DCDC1: variants seen among roughly 807,000 people sequenced by gnomAD.
The protein encoded by DCDC1 is doublecortin domain containing 1.
DCDC1 carries 200 observed loss-of-function variants against 178.3 expected under a neutral mutation model. That is an observed-to-expected ratio of 1.12 (90% CI 1.00 to 1.26). DCDC1 has a LOEUF of 1.26. Ranked by LOEUF, DCDC1 falls within the 50% of genes most tolerant of loss-of-function variation. DCDC1 has a pLI of 0.00. For synonymous variants in DCDC1, 690 were observed against 604.8 expected, an observed-to-expected ratio of 1.14 and a Z score of -2.07; for missense variants, 1,983 against 1,749.2, an observed-to-expected ratio of 1.13 and a Z score of -2.38.
intron 8 of DCDC1, among the ~76,000 whole-genome samples, chr11:31,244,825 A>G (rs977313650): frequency 5.9e-5 from 9 of 151,720 alleles, no homozygotes; most frequent in Non-Finnish European, 5.9e-5. Context: ...TTTCATCTCA[A>G]GTTATGACTA....
chr11:30,900,281 C>A (rs1590284023), intron 33 of DCDC1, 65 bp downstream of exon 33: 1 of 1,289,218 alleles, frequency 7.8e-7, no homozygotes, highest in Non-Finnish European at 1.0e-6. Context: ...CTTATGATGG[C>A]ATAAAATGTA....
At chr11:31,331,714 C>T (rs1371535125) in intron 2 of DCDC1, among the ~76,000 whole-genome samples, 1 of 152,156 alleles carries the variant, frequency 6.6e-6, no homozygotes, top group East Asian at 1.9e-4. Context: ...ACCCTTGCAT[C>T]CCAGGGATGA....
intron 1 of DCDC1, among the ~76,000 whole-genome samples, chr11:31,346,659 TA>T (rs904977576): frequency 6.6e-6 from 1 of 152,134 alleles, no homozygotes; most frequent in African/African-American, 2.4e-5. Flanking sequence ...TGAATATGAA[TA>T]AATGGTACTA....
At chr11:30,894,421 G>A (rs373636432) in intron 34 of DCDC1, 37 bp from the exon 35 acceptor site, 3 of 1,603,210 alleles carry the variant, frequency 1.9e-6, no homozygotes, top group Non-Finnish European at 2.6e-6. Flanking sequence ...TGTTTCTGAT[G>A]ATAGGCTTTC....
chr11:31,357,409 A>C (rs1951439657), intron 1 of DCDC1, among the ~76,000 whole-genome samples: 1 of 148,554 alleles, frequency 6.7e-6, no homozygotes. Flanking sequence ...AAAAACTCTC[A>C]ATAAATTAGG....
intron 17 of DCDC1, among the ~76,000 whole-genome samples, chr11:31,081,468 G>C (rs1957164979): frequency 6.6e-6 from 1 of 151,994 alleles, no homozygotes; most frequent in Non-Finnish European, 1.5e-5. Context: ...AAATTAGCCG[G>C]GTGTGGTGGC....
chr11:31,251,615 CAGAGAG>C (rs142524213), intron 8 of DCDC1, among the ~76,000 whole-genome samples: 8 of 147,826 alleles, frequency 5.4e-5, no homozygotes, highest in African/African-American at 2.0e-4. Context: ...GACAGAGAAA[CAGAGAG>C]AGAGAGAGAG....
chr11:30,983,721 A>C (rs1056330054), intron 20 of DCDC1, among the ~76,000 whole-genome samples: 1 of 152,166 alleles, frequency 6.6e-6, no homozygotes, highest in Non-Finnish European at 1.5e-5. Flanking sequence ...GGAAAGCTAT[A>C]TTTTTTCACA....
chr11:31,298,117 G>A (rs1041981401), intron 6 of DCDC1, among the ~76,000 whole-genome samples: 2 of 152,090 alleles, frequency 1.3e-5, no homozygotes, highest in African/African-American at 2.4e-5. Flanking sequence ...AGTAACATCC[G>A]AGTTCCCCTT....
chr11:31,276,285 A>C (rs982983503), intron 7 of DCDC1, among the ~76,000 whole-genome samples: 1 of 152,224 alleles, frequency 6.6e-6, no homozygotes, highest in Non-Finnish European at 1.5e-5. Flanking sequence ...CCATTTAATT[A>C]AAAATCTAGG....
At chr11:31,344,522 C>A (rs1025037677) in intron 1 of DCDC1, among the ~76,000 whole-genome samples, 1 of 152,132 alleles carries the variant, frequency 6.6e-6, no homozygotes, top group South Asian at 2.1e-4. Flanking sequence ...GGACAAGTTA[C>A]GTAACATCTT....
At chr11:30,878,733 GAAGTTGAGAGACAAGTC>G in intron 37 of DCDC1, 22 bp from the exon 38 acceptor site, 1 of 1,333,980 alleles carries the variant, frequency 7.5e-7, no homozygotes. Context: ...AAAAAAAAAA[GAAGTTGAGAGACAAGTC>G]AATGTTATAG....
chr11:31,119,087 G>C (rs2114140), intron 11 of DCDC1, among the ~76,000 whole-genome samples: 40,059 of 151,986 alleles, frequency 0.26, 5,429 homozygotes, highest in African/African-American at 0.32. Context: ...AGATGGAAAA[G>C]AGCGCTGCAA....
chr11:31,351,812 A>G (rs989693689), intron 1 of DCDC1, among the ~76,000 whole-genome samples: 5 of 152,186 alleles, frequency 3.3e-5, no homozygotes, highest in African/African-American at 1.2e-4. Context: ...GAAGTTGTTT[A>G]ATGCTAATCC....
At chr11:31,003,122 T>C (rs1472904100) in intron 20 of DCDC1, among the ~76,000 whole-genome samples, 4 of 151,386 alleles carry the variant, frequency 2.6e-5, no homozygotes, top group Non-Finnish European at 5.9e-5. Flanking sequence ...GATTTCCATA[T>C]ATAGATTTCC....
At chr11:31,006,135 G>T (rs1419846081) in intron 20 of DCDC1, among the ~76,000 whole-genome samples, 1 of 151,796 alleles carries the variant, frequency 6.6e-6, no homozygotes, top group Non-Finnish European at 1.5e-5. Context: ...AATAGCTTTT[G>T]TCCTCTTCTT....
At chr11:31,342,999 C>T (rs1402947938) in intron 1 of DCDC1, among the ~76,000 whole-genome samples, 1 of 152,034 alleles carries the variant, frequency 6.6e-6, no homozygotes, top group Non-Finnish European at 1.5e-5. Context: ...GATGCAGTGA[C>T]TCATGCTTAT....
intron 9 of DCDC1, among the ~76,000 whole-genome samples, chr11:31,194,627 T>C (rs1424696742): frequency 6.6e-6 from 1 of 152,130 alleles, no homozygotes; most frequent in African/African-American, 2.4e-5. Context: ...ATCATTTTAA[T>C]GGCTCCACAA....
At chr11:31,139,688 T>A (rs2554044) in intron 9 of DCDC1, among the ~76,000 whole-genome samples, 85,923 of 151,938 alleles carry the variant, frequency 0.57, 25,187 homozygotes, top group East Asian at 0.93. Context: ...GGCCATGACA[T>A]TTAGAACTGC....
Sources: allele counts gnomAD v4.1 joint callset (sites outside exome capture counted in the v4.1 genomes callset), GRCh38; gene constraint gnomAD v4.1.1; transcripts MANE v1.5; gene names NCBI Gene and HGNC (gene_info 2026-07-23, HGNC 2026-07-21).